Variants in FHIT observed in about 807,000 individuals in gnomAD.
The protein encoded by FHIT is bis(5'-adenosyl)-triphosphatase.
In FHIT, 19 loss-of-function variants were observed where a neutral mutation model predicts 17.9. That is an observed-to-expected ratio of 1.06 (90% CI 0.74 to 1.56). The LOEUF (loss-of-function observed/expected upper bound fraction) is 1.56. Ranked by LOEUF, FHIT falls within the 40% of genes most tolerant of loss-of-function variation. The pLI is 0.00. For synonymous variants in FHIT, 81 were observed against 69.7 expected, an observed-to-expected ratio of 1.16 and a Z score of -0.81; for missense variants, 248 against 189.2, an observed-to-expected ratio of 1.31 and a Z score of -1.82.
chr3:60,082,883 T>C (rs1179872885), intron 5 of FHIT, among the ~76,000 whole-genome samples: 1 of 152,164 alleles, frequency 6.6e-6, no homozygotes, highest in African/African-American at 2.4e-5. Context: ...CTTTGTCAGA[T>C]GCATAGTTTG....
intron 5 of FHIT, among the ~76,000 whole-genome samples, chr3:60,404,639 A>G (rs979456401): frequency 9.9e-5 from 15 of 152,186 alleles, no homozygotes; most frequent in African/African-American, 3.6e-4. Flanking sequence ...TAGGCTTCAA[A>G]AGAACTAGGA....
At chr3:60,698,837 T>C (rs2041173816) in intron 4 of FHIT, among the ~76,000 whole-genome samples, 1 of 152,266 alleles carries the variant, frequency 6.6e-6, no homozygotes, top group East Asian at 1.9e-4. Context: ...TAAAAGTGTA[T>C]CAAGCACATT....
intron 4 of FHIT, among the ~76,000 whole-genome samples, chr3:60,567,653 A>G (rs1245128366): frequency 6.6e-6 from 1 of 152,200 alleles, no homozygotes; most frequent in East Asian, 1.9e-4. Flanking sequence ...AGAAACTACC[A>G]TCAGAGTGAA....
intron 4 of FHIT, among the ~76,000 whole-genome samples, chr3:60,554,873 T>C (rs1034187008): frequency 1.3e-5 from 2 of 152,246 alleles, no homozygotes; most frequent in Admixed American, 6.5e-5. Flanking sequence ...GCAATGCTGC[T>C]CATAGGTTTT....
chr3:59,790,312 T>C (rs991161089), intron 8 of FHIT, among the ~76,000 whole-genome samples: 1 of 152,120 alleles, frequency 6.6e-6, no homozygotes, highest in Non-Finnish European at 1.5e-5. Context: ...TTAGCATAGA[T>C]ACAATGGTTT....
intron 5 of FHIT, among the ~76,000 whole-genome samples, chr3:60,471,964 C>G (rs114374197): frequency 6.6e-6 from 1 of 152,238 alleles, no homozygotes; most frequent in African/African-American, 2.4e-5. Flanking sequence ...AACTTATTAA[C>G]CTAATTGCAT....
At chr3:60,172,034 C>A (rs902415776) in intron 5 of FHIT, among the ~76,000 whole-genome samples, 5 of 152,056 alleles carry the variant, frequency 3.3e-5, no homozygotes, top group Non-Finnish European at 7.4e-5. Context: ...AACAAAAATC[C>A]AAACAGCCCC....
intron 5 of FHIT, among the ~76,000 whole-genome samples, chr3:60,438,064 A>C (rs1235894064): frequency 6.6e-6 from 1 of 152,108 alleles, no homozygotes; most frequent in African/African-American, 2.4e-5. Flanking sequence ...TAAGTAGTCA[A>C]GGAAGTAATC....
At chr3:60,190,356 G>GA (rs371897853) in intron 5 of FHIT, among the ~76,000 whole-genome samples, 113 of 126,490 alleles carry the variant, frequency 8.9e-4, no homozygotes, top group East Asian at 1.8e-3. Context: ...GATGAGACCA[G>GA]AAAAAAAAAA....
chr3:61,053,399 C>T (rs2034099574), intron 2 of FHIT, among the ~76,000 whole-genome samples: 1 of 152,122 alleles, frequency 6.6e-6, no homozygotes, highest in Admixed American at 6.5e-5. Context: ...TGGCTCACAC[C>T]TGTAATCCCA....
intron 3 of FHIT, among the ~76,000 whole-genome samples, chr3:60,862,547 C>G (rs1703960729): frequency 6.6e-6 from 1 of 152,010 alleles, no homozygotes; most frequent in Admixed American, 6.6e-5. Context: ...TAAAGATGTC[C>G]CTGCAGGATT....
At chr3:60,819,970 C>G (rs1393408787) in intron 4 of FHIT, among the ~76,000 whole-genome samples, 1 of 152,134 alleles carries the variant, frequency 6.6e-6, no homozygotes, top group African/African-American at 2.4e-5. Context: ...AAATGCCACC[C>G]TTCCAGAAAC....
intron 5 of FHIT, among the ~76,000 whole-genome samples, chr3:60,177,921 T>A (rs1202427093): frequency 6.6e-6 from 1 of 152,334 alleles, no homozygotes; most frequent in South Asian, 2.1e-4. Flanking sequence ...CCAAAGTATT[T>A]TGAGTTGCTG....
chr3:61,211,725 A>T (rs1267118649), intron 1 of FHIT, among the ~76,000 whole-genome samples: 1 of 152,024 alleles, frequency 6.6e-6, no homozygotes, highest in Non-Finnish European at 1.5e-5. Context: ...CTGACCCCTG[A>T]CCCCCGAGCA....
rs137933520 is a variant in FHIT, at chr3:60,345,154, T to C, written c.103+191706A>G. Among the ~76,000 whole-genome samples the C allele has an allele frequency of 1.2e-4, 18 of 152,242 alleles. No individual in the cohort carries two copies. In the East Asian group the frequency reaches 3.5e-3, roughly 29 times the overall value. ...CTGGTAATGAACAAATTACTAAGTG[T>C]GTACAACAGAGATGATATATGTTGT... is the stretch of plus-strand genomic sequence containing the variant. On this transcript the variant is annotated intron_variant, in intron 5 of 9. Coordinates refer to ENST00000492590, the MANE Select transcript of FHIT (RefSeq NM_002012.4).
At chr3:61,056,733 T>C (rs2034238298) in intron 2 of FHIT, among the ~76,000 whole-genome samples, 1 of 152,186 alleles carries the variant, frequency 6.6e-6, no homozygotes, top group Non-Finnish European at 1.5e-5. Context: ...CTTAGGGATC[T>C]GAATGTTCTT....
rs17061248 is a variant in FHIT at position 59,836,506 on chromosome 3, G to T, written c.349-84185C>A. On this transcript the variant is annotated intron_variant, in intron 8 of 9. Transcript: ENST00000492590. ...CCTGGTCCCCTCCTGTTACAGGAAG[G>T]CTGACCTCTGCACATGCCATATGAG... is the stretch of plus-strand genomic sequence containing the variant. Among the ~76,000 whole-genome samples the T allele has an allele frequency of 4.8e-3, 732 of 152,262 alleles. 2 individuals are homozygous for T. Among genetic ancestry groups the T allele is most frequent in the African/African-American group, 0.016 (679 of 41,556 alleles).
intron 1 of FHIT, among the ~76,000 whole-genome samples, chr3:61,213,781 A>G (rs559092435): frequency 2.0e-5 from 3 of 152,366 alleles, no homozygotes; most frequent in East Asian, 1.9e-4. Context: ...GCAAATGTAA[A>G]AGAACAGAAA....
intron 5 of FHIT, among the ~76,000 whole-genome samples, chr3:60,335,784 T>A (rs1171861549): frequency 2.0e-5 from 3 of 152,176 alleles, no homozygotes; most frequent in Non-Finnish European, 4.4e-5. Context: ...CCTGTTTCTC[T>A]TTACTTAAAT....
Sources: allele counts gnomAD v4.1 joint callset (sites outside exome capture counted in the v4.1 genomes callset), GRCh38; gene constraint gnomAD v4.1.1; transcripts MANE v1.5; gene names NCBI Gene and HGNC (gene_info 2026-07-23, HGNC 2026-07-21).